The following NRXN3 variants were observed in gnomAD, a reference collection of about 807,000 sequenced individuals.
NRXN3 encodes the protein neurexin III.
A neutral mutation model predicts 137.6 loss-of-function variants in NRXN3; 32 were observed. The observed-to-expected ratio is 0.23, with a 90% confidence interval of 0.18 to 0.31. The LOEUF is 0.31. Among genes scored for constraint, NRXN3 ranks in the 10% least tolerant of loss-of-function variants. The pLI, the probability that NRXN3 is intolerant of heterozygous loss-of-function variation, is 1.00. For synonymous variants in NRXN3, 798 were observed against 784.5 expected, an observed-to-expected ratio of 1.02 and a Z score of -0.29; for missense variants, 1,574 against 2,062.5, an observed-to-expected ratio of 0.76 and a Z score of 4.59.
At chr14:79,014,111 T>C (rs1196985318) in intron 15 of NRXN3, among the ~76,000 whole-genome samples, 1 of 152,296 alleles carries the variant, frequency 6.6e-6, no homozygotes, top group East Asian at 1.9e-4. Flanking sequence ...CTCTCTTTTT[T>C]TAAACTTTTA....
chr14:78,832,447 T>G (rs187388924), intron 10 of NRXN3, among the ~76,000 whole-genome samples: 1 of 152,306 alleles, frequency 6.6e-6, no homozygotes, highest in East Asian at 1.9e-4. Context: ...GATTTTAAGG[T>G]GGCACATGGC....
At chr14:78,843,904 T>C (rs1180760358) in intron 10 of NRXN3, among the ~76,000 whole-genome samples, 1 of 152,106 alleles carries the variant, frequency 6.6e-6, no homozygotes, top group African/African-American at 2.4e-5. Context: ...CATTCTGATG[T>C]CAAGAAGCTT....
At chr14:79,413,263 A>G (rs568238236) in intron 15 of NRXN3, among the ~76,000 whole-genome samples, 53 of 152,254 alleles carry the variant, frequency 3.5e-4, no homozygotes, top group African/African-American at 1.2e-3. Context: ...TAAATCTGAG[A>G]AGTTATTTTC....
intron 19 of NRXN3, among the ~76,000 whole-genome samples, chr14:79,746,325 C>G (rs978474971): frequency 5.9e-5 from 9 of 152,076 alleles, no homozygotes; most frequent in Admixed American, 1.3e-4. Flanking sequence ...TATGATGAAG[C>G]AAGTTTGGAA....
chr14:78,392,548 T>C (rs1381847223), intron 4 of NRXN3, among the ~76,000 whole-genome samples: 1 of 152,198 alleles, frequency 6.6e-6, no homozygotes, highest in Non-Finnish European at 1.5e-5. Flanking sequence ...GGGTCCTGGC[T>C]GATTCTTTGG....
chr14:78,382,091 C>A (rs2089230007), intron 4 of NRXN3, among the ~76,000 whole-genome samples: 1 of 152,038 alleles, frequency 6.6e-6, no homozygotes, highest in African/African-American at 2.4e-5. Context: ...GATAAAGGAT[C>A]CTTTGGAACT....
intron 4 of NRXN3, among the ~76,000 whole-genome samples, chr14:78,501,403 C>T (rs868076887): frequency 5.3e-5 from 8 of 152,142 alleles, no homozygotes; most frequent in East Asian, 1.9e-4. Flanking sequence ...TTCCATAGAG[C>T]GGCCCATGGC....
chr14:79,703,513 G>A (rs950010306), intron 19 of NRXN3, among the ~76,000 whole-genome samples: 2 of 152,024 alleles, frequency 1.3e-5, no homozygotes, highest in Admixed American at 6.6e-5. Context: ...AAAACTACCC[G>A]AGACTAAGTA....
chr14:79,316,765 T>TCTC (rs2088843038), intron 15 of NRXN3, among the ~76,000 whole-genome samples: 2 of 147,270 alleles, frequency 1.4e-5, no homozygotes, highest in South Asian at 2.2e-4. Context: ...TCTCTCTCTA[T>TCTC]TGAATTCTGG....
chr14:79,228,075 C>T (rs1244579649), intron 15 of NRXN3, among the ~76,000 whole-genome samples: 11 of 152,022 alleles, frequency 7.2e-5, no homozygotes, highest in Admixed American at 2.6e-4. Context: ...CATTCAGATA[C>T]CTTTGCCTGC....
At chr14:79,341,154 T>C (rs2092589911) in intron 15 of NRXN3, among the ~76,000 whole-genome samples, 1 of 152,142 alleles carries the variant, frequency 6.6e-6, no homozygotes, top group South Asian at 2.1e-4. Context: ...CCCATACAAA[T>C]AGGCCTCTTA....
chr14:79,732,464 T>G (rs948396565), intron 19 of NRXN3, among the ~76,000 whole-genome samples: 4 of 152,148 alleles, frequency 2.6e-5, no homozygotes, highest in Non-Finnish European at 5.9e-5. Context: ...CAGGCTTGTA[T>G]CTCATCTGCT....
intron 4 of NRXN3, among the ~76,000 whole-genome samples, chr14:78,467,700 A>G (rs1432885802): frequency 2.0e-5 from 3 of 152,234 alleles, no homozygotes; most frequent in Non-Finnish European, 4.4e-5. Context: ...TCACCACTGT[A>G]GACATGCATG....
At chr14:78,253,807 G>A (rs978713170) in intron 2 of NRXN3, among the ~76,000 whole-genome samples, 3 of 58,994 alleles carry the variant, frequency 5.1e-5, no homozygotes, top group Non-Finnish European at 1.1e-4. Flanking sequence ...CCGCCCCCCC[G>A]CCCAAAGAAA....
rs753678138 is a variant in NRXN3 at position 79,697,799 on chromosome 14, G to A, written c.3876G>A (p.Leu1292=). The stretch of plus-strand genomic sequence containing the variant: ...TTAAAATCAATGGAAGTGTTCGGCT[G>A]GTTGGAGAAGTCCCATCAATTTTGG... ...PNIKINGSVR[L]VGEVPSILGT... The change falls in exon 19 of 21, where the codon CTG becomes CTA. Residue 1292 remains leucine, a synonymous_variant. Transcript: ENST00000335750. 23 of 1,613,058 alleles carry A rather than the reference G, an allele frequency of 1.4e-5. No individual in the cohort carries two copies. In the South Asian group the frequency reaches 2.1e-4, roughly 15 times the overall value.
chr14:78,526,861 A>T, intron 4 of NRXN3: 1 of 463,780 alleles, frequency 2.2e-6, no homozygotes, highest in Non-Finnish European at 4.3e-6. Flanking sequence ...TATCCAAGTC[A>T]CCCAGAAATA....
At chr14:78,340,383 C>A (rs969570772) in intron 4 of NRXN3, among the ~76,000 whole-genome samples, 1 of 152,154 alleles carries the variant, frequency 6.6e-6, no homozygotes, top group African/African-American at 2.4e-5. Context: ...GGAAGTATAT[C>A]AGTTATTTAT....
intron 3 of NRXN3, among the ~76,000 whole-genome samples, chr14:78,297,533 C>T (rs901273163): frequency 4.6e-5 from 7 of 152,116 alleles, no homozygotes; most frequent in South Asian, 2.1e-4. Context: ...CACAGAACAA[C>T]GGTAAAAGGA....
chr14:79,151,817 T>C (rs2059826557), intron 15 of NRXN3, among the ~76,000 whole-genome samples: 1 of 152,036 alleles, frequency 6.6e-6, no homozygotes, highest in South Asian at 2.1e-4. Context: ...CCCTACAATA[T>C]GTTTTCAATG....
Sources: allele counts gnomAD v4.1 joint callset (sites outside exome capture counted in the v4.1 genomes callset), GRCh38; gene constraint gnomAD v4.1.1; transcripts MANE v1.5; gene names NCBI Gene and HGNC (gene_info 2026-07-23, HGNC 2026-07-21).